Variants in WDPCP observed in about 807,000 individuals in gnomAD.
The protein encoded by WDPCP is WD repeat-containing and planar cell polarity effector protein fritz homolog.
Under a neutral mutation model 93.1 loss-of-function variants are expected in WDPCP, and 71 were observed. That is an observed-to-expected ratio of 0.76 (90% confidence interval 0.63 to 0.93). The LOEUF is 0.93. Ranked by LOEUF, WDPCP falls within the 40% of genes least tolerant of loss-of-function variation. The probability of loss-of-function intolerance (pLI) is 0.00; values close to 1 mark genes in which losing one functional copy is unlikely to be tolerated. For synonymous variants in WDPCP, 315 were observed against 315.0 expected, an observed-to-expected ratio of 1.00 and a Z score of 0.00; for missense variants, 844 against 887.4, an observed-to-expected ratio of 0.95 and a Z score of 0.62.
chr2:63,443,949 CGTTA>C (rs1355121241), intron 6 of WDPCP, among the ~76,000 whole-genome samples: 1 of 151,960 alleles, frequency 6.6e-6, no homozygotes, highest in African/African-American at 2.4e-5. Flanking sequence ...GATTCTGACA[CGTTA>C]AGTTTAAAGT....
intron 10 of WDPCP, 97 bp downstream of exon 10, chr2:63,403,951 A>T (rs1694344932): frequency 1.3e-6 from 2 of 1,539,724 alleles, no homozygotes; most frequent in Admixed American, 1.8e-5. Context: ...GGGATGATAA[A>T]TAGAAAAATC....
At chr2:63,496,254 A>G (rs1701214818) in intron 1 of WDPCP, among the ~76,000 whole-genome samples, 1 of 152,200 alleles carries the variant, frequency 6.6e-6, no homozygotes, top group Non-Finnish European at 1.5e-5. Context: ...AAAAGAAGAC[A>G]ACACTTGAAA....
At chr2:63,221,102 T>C (rs1010574444) in intron 14 of WDPCP, among the ~76,000 whole-genome samples, 7 of 152,230 alleles carry the variant, frequency 4.6e-5, no homozygotes, top group East Asian at 1.9e-4. Context: ...CAGTCTATCA[T>C]TGATGGGCAT....
At chr2:63,206,763 CATT>C (rs1676367838) in intron 14 of WDPCP, among the ~76,000 whole-genome samples, 1 of 152,052 alleles carries the variant, frequency 6.6e-6, no homozygotes, top group Non-Finnish European at 1.5e-5. Flanking sequence ...TGGGTTGTAT[CATT>C]ATCTCACTTT....
intron 12 of WDPCP, among the ~76,000 whole-genome samples, chr2:63,374,580 G>T (rs551043071): frequency 6.6e-6 from 1 of 152,022 alleles, no homozygotes; most frequent in Non-Finnish European, 1.5e-5. Context: ...TGTATACATG[G>T]AATTGCTTAA....
intron 6 of WDPCP, among the ~76,000 whole-genome samples, chr2:63,457,837 C>G (rs1029673355): frequency 2.0e-5 from 3 of 152,120 alleles, no homozygotes; most frequent in African/African-American, 7.2e-5. Flanking sequence ...AAAGCTTTTA[C>G]TCTAAAAACT....
In WDPCP at chr2:63,764,236, A is replaced by G. The variant is rs141714748; in HGVS notation, n.308+49386T>C. 4.1e-3 allele frequency among the ~76,000 whole-genome samples: 630 copies of G among 152,242 alleles called. 3 individuals are homozygous for G. Among genetic ancestry groups the G allele is most frequent in the African/African-American group, 0.014 (590 of 41,552 alleles). On this transcript the variant is annotated intron_variant and non_coding_transcript_variant, in intron 2 of 4. Transcript: ENST00000467687. ...CTCTGGCTCCACATAATAAGCACCA[A>G]TCCTATCAGCTCTGTAATAGAAAAA...
chr2:63,486,833 C>T (rs532894990), intron 3 of WDPCP, among the ~76,000 whole-genome samples: 4 of 151,970 alleles, frequency 2.6e-5, no homozygotes, highest in African/African-American at 9.6e-5. Flanking sequence ...GACCAATATC[C>T]TGAGCTTCCA....
chr2:63,769,043 G>A (rs1670187331), intron 2 of WDPCP, among the ~76,000 whole-genome samples: 1 of 151,926 alleles, frequency 6.6e-6, no homozygotes, highest in South Asian at 2.1e-4. Context: ...GAACTACTCT[G>A]AGTTTGATAA....
intron 6 of WDPCP, chr2:63,443,029 A>G (rs796774743): frequency 7.9e-5 from 12 of 152,238 alleles, no homozygotes; most frequent in African/African-American, 2.9e-4. Context: ...TTTGGAGACT[A>G]TGGATCCTGC....
intron 2 of WDPCP, among the ~76,000 whole-genome samples, chr2:63,708,215 G>T (rs112251342): frequency 0.017 from 2,548 of 152,270 alleles, 22 homozygotes; most frequent in African/African-American, 0.018. Context: ...TCTGTGCCCT[G>T]CCCCCAGAGG....
intron 14 of WDPCP, among the ~76,000 whole-genome samples, chr2:63,205,873 T>A (rs1208700770): frequency 6.6e-6 from 1 of 152,190 alleles, no homozygotes; most frequent in Non-Finnish European, 1.5e-5. Context: ...TGAGTAACAG[T>A]GGTGAAAGCG....
At chr2:63,446,285 C>T (rs1697859257) in intron 6 of WDPCP, among the ~76,000 whole-genome samples, 1 of 152,132 alleles carries the variant, frequency 6.6e-6, no homozygotes, top group African/African-American at 2.4e-5. Flanking sequence ...TGAGCTCTAC[C>T]CCCTGTCAGA....
intron 14 of WDPCP, among the ~76,000 whole-genome samples, chr2:63,203,246 G>A (rs1676062314): frequency 6.6e-6 from 1 of 152,102 alleles, no homozygotes. Context: ...GGCATGCAAT[G>A]TATAATAATC....
At chr2:63,806,696 G>A (rs962061528) in intron 2 of WDPCP, among the ~76,000 whole-genome samples, 2 of 152,248 alleles carry the variant, frequency 1.3e-5, no homozygotes, top group South Asian at 4.2e-4. Context: ...CCCACCCCGA[G>A]GTGCGCATTC....
At chr2:63,507,043 G>C (rs957195976) in intron 1 of WDPCP, among the ~76,000 whole-genome samples, 1 of 151,886 alleles carries the variant, frequency 6.6e-6, no homozygotes, top group Non-Finnish European at 1.5e-5. Flanking sequence ...TCAGACATCA[G>C]ACTAAGACAA....
chr2:63,657,504 C>T (rs113467592), intron 2 of WDPCP, among the ~76,000 whole-genome samples: 76 of 152,196 alleles, frequency 5.0e-4, no homozygotes, highest in African/African-American at 1.2e-3. Flanking sequence ...CCGCGGCGCC[C>T]GGCCTCTGAG....
chr2:63,307,324 A>G (rs1259267779), intron 13 of WDPCP, among the ~76,000 whole-genome samples: 3 of 152,208 alleles, frequency 2.0e-5, no homozygotes, highest in South Asian at 4.1e-4. Flanking sequence ...AAAATAATTT[A>G]TAGACTCAAT....
At chr2:63,235,832 G>A (rs1679341226) in intron 14 of WDPCP, among the ~76,000 whole-genome samples, 1 of 152,042 alleles carries the variant, frequency 6.6e-6, no homozygotes, top group Non-Finnish European at 1.5e-5. Context: ...ACTAGGCATA[G>A]AAAGAACAAA....
Sources: allele counts gnomAD v4.1 joint callset (sites outside exome capture counted in the v4.1 genomes callset), GRCh38; gene constraint gnomAD v4.1.1; transcripts MANE v1.5; gene names NCBI Gene and HGNC (gene_info 2026-07-23, HGNC 2026-07-21).